The following EHBP1 variants were observed in gnomAD, a reference collection of about 807,000 sequenced individuals.
EHBP1 encodes the protein EH domain binding protein 1.
In EHBP1, 55 loss-of-function variants were observed where a neutral mutation model predicts 144.0. That is an observed-to-expected ratio of 0.38 (90% CI 0.31 to 0.48). The LOEUF (loss-of-function observed/expected upper bound fraction) is 0.48, where lower values mean the gene tolerates loss of function less well. Among genes scored for constraint, EHBP1 ranks in the 20% least tolerant of loss-of-function variants. The pLI, the probability that EHBP1 is intolerant of heterozygous loss-of-function variation, is 0.98. For missense variants in EHBP1, 1,200 were observed against 1,364.2 expected (o/e 0.88, Z 1.90); for synonymous variants, 469 against 472.7 (o/e 0.99, Z 0.10).
At chr2:62,898,374 CAG>C (rs2053114278) in intron 10 of EHBP1, among the ~76,000 whole-genome samples, 1 of 152,134 alleles carries the variant, frequency 6.6e-6, no homozygotes, top group African/African-American at 2.4e-5. Flanking sequence ...TCCTGAAAGA[CAG>C]AGTTAACCAA....
intron 2 of EHBP1, among the ~76,000 whole-genome samples, chr2:62,739,594 C>T (rs1442912794): frequency 1.3e-5 from 2 of 151,990 alleles, no homozygotes; most frequent in Non-Finnish European, 2.9e-5. Context: ...CAATATTGCA[C>T]ACATATACAG....
chr2:62,881,980 G>A (rs1233798124), intron 10 of EHBP1, among the ~76,000 whole-genome samples: 1 of 152,156 alleles, frequency 6.6e-6, no homozygotes, highest in Non-Finnish European at 1.5e-5. Flanking sequence ...GAAAGGATTG[G>A]AACCTAGCAT....
chr2:62,773,476 G>A (rs188931156), intron 5 of EHBP1, among the ~76,000 whole-genome samples: 1 of 152,040 alleles, frequency 6.6e-6, no homozygotes, highest in East Asian at 1.9e-4. Context: ...TACCTTTGGG[G>A]TAGTAGCTTC....
At chr2:62,918,308 G>C (rs2054804070) in intron 10 of EHBP1, among the ~76,000 whole-genome samples, 1 of 152,128 alleles carries the variant, frequency 6.6e-6, no homozygotes, top group Admixed American at 6.5e-5. Context: ...AATAATTGTA[G>C]TACGGGCTGC....
At chr2:62,988,776 A>AG (rs1466352798) in intron 15 of EHBP1, among the ~76,000 whole-genome samples, 1 of 152,158 alleles carries the variant, frequency 6.6e-6, no homozygotes, top group African/African-American at 2.4e-5. Context: ...GGCAATAAAA[A>AG]GTCTTTGGTG....
chr2:62,924,338 C>G (rs1027666241), intron 10 of EHBP1, among the ~76,000 whole-genome samples: 5 of 151,920 alleles, frequency 3.3e-5, no homozygotes, highest in African/African-American at 1.2e-4. Context: ...CAAGAGCAAA[C>G]CAAAACATTG....
intron 16 of EHBP1, among the ~76,000 whole-genome samples, chr2:62,991,737 C>G (rs980858827): frequency 6.6e-6 from 1 of 152,184 alleles, no homozygotes; most frequent in Non-Finnish European, 1.5e-5. Context: ...TAGGGCACTT[C>G]CAGTCCTGTA....
At chr2:62,798,780 G>A (rs552545265) in intron 5 of EHBP1, among the ~76,000 whole-genome samples, 4 of 151,890 alleles carry the variant, frequency 2.6e-5, no homozygotes, top group South Asian at 4.2e-4. Flanking sequence ...CGAGGTGGGC[G>A]GATCGCGAGG....
chr2:63,039,614 A>T (rs1288985913), intron 21 of EHBP1, among the ~76,000 whole-genome samples: 1 of 152,088 alleles, frequency 6.6e-6, no homozygotes, highest in Non-Finnish European at 1.5e-5. Context: ...TGTCCATGGT[A>T]ATTTTGTTCT....
chr2:62,728,205 C>T (rs1443323293), intron 2 of EHBP1, among the ~76,000 whole-genome samples: 1 of 150,848 alleles, frequency 6.6e-6, no homozygotes, highest in Non-Finnish European at 1.5e-5. Flanking sequence ...AAGTAAAAGG[C>T]ATGGTTTAAA....
At chr2:62,773,061 A>G (rs1012456509) in intron 5 of EHBP1, among the ~76,000 whole-genome samples, 1 of 152,218 alleles carries the variant, frequency 6.6e-6, no homozygotes, top group African/African-American at 2.4e-5. Flanking sequence ...ACATTAACTC[A>G]AGAGAATACA....
chr2:62,682,717 T>C (rs1278294201), intron 1 of EHBP1, among the ~76,000 whole-genome samples: 1 of 152,212 alleles, frequency 6.6e-6, no homozygotes, highest in East Asian at 1.9e-4. Context: ...TCTGATGATT[T>C]CTGACCTTCT....
chr2:62,735,250 G>T (rs2038010314), intron 2 of EHBP1, among the ~76,000 whole-genome samples: 1 of 151,514 alleles, frequency 6.6e-6, no homozygotes, highest in Non-Finnish European at 1.5e-5. Context: ...TCCTTTCTTG[G>T]CTTATCAGTT....
chr2:62,967,253 CT>C (rs1294828549), intron 14 of EHBP1, among the ~76,000 whole-genome samples: 1 of 152,138 alleles, frequency 6.6e-6, no homozygotes, highest in Non-Finnish European at 1.5e-5. Context: ...TGTTCTGCTA[CT>C]TACTTGCATT....
chr2:63,039,654 A>C (rs954886543), intron 21 of EHBP1, among the ~76,000 whole-genome samples: 3 of 152,200 alleles, frequency 2.0e-5, no homozygotes, highest in Admixed American at 2.0e-4. Context: ...ATCCATAATA[A>C]GTCAATTCTA....
intron 3 of EHBP1, among the ~76,000 whole-genome samples, chr2:62,750,420 T>A (rs572528190): frequency 6.6e-6 from 1 of 152,238 alleles, no homozygotes; most frequent in Non-Finnish European, 1.5e-5. Flanking sequence ...GGTAGCATGA[T>A]GCCTCCAGCT....
chr2:62,868,879 A>C (rs2050246452), intron 9 of EHBP1, among the ~76,000 whole-genome samples: 1 of 152,118 alleles, frequency 6.6e-6, no homozygotes, highest in South Asian at 2.1e-4. Context: ...ACTTGAGCCC[A>C]GGGTTTCAAG....
chr2:62,751,926 A>G (rs1052846855), intron 3 of EHBP1, among the ~76,000 whole-genome samples: 75 of 151,962 alleles, frequency 4.9e-4, no homozygotes, highest in Non-Finnish European at 7.4e-4. Context: ...GATCTTTTCA[A>G]AAAACCAGCT....
At chr2:63,027,093 G>A (rs2061014396) in intron 19 of EHBP1, among the ~76,000 whole-genome samples, 2 of 152,172 alleles carry the variant, frequency 1.3e-5, no homozygotes, top group Non-Finnish European at 2.9e-5. Flanking sequence ...AAGAGTGGTG[G>A]CTCACAAGAC....
Sources: gnomAD v4.1 joint callset for allele counts (sites outside exome capture counted in the v4.1 genomes callset) on GRCh38, gnomAD v4.1.1 for gene constraint, MANE v1.5 for transcripts, NCBI Gene and HGNC (gene_info 2026-07-23, HGNC 2026-07-21) for gene names.